The following CDC25C variants were observed in gnomAD, a reference collection of about 807,000 sequenced individuals.
CDC25C encodes cell division cycle 25C.
CDC25C carries 48 observed loss-of-function variants against 52.5 expected under a neutral mutation model. The observed-to-expected ratio is 0.91, with a 90% confidence interval of 0.72 to 1.16. The LOEUF (loss-of-function observed/expected upper bound fraction) is 1.16, where lower values mean the gene tolerates loss of function less well. Ranked by LOEUF, CDC25C falls within the 50% of genes most tolerant of loss-of-function variation. The pLI, the probability that CDC25C is intolerant of heterozygous loss-of-function variation, is 0.00. For synonymous variants in CDC25C, 187 were observed against 206.5 expected (o/e 0.91, Z 0.81); for missense variants, 510 against 566.1 (o/e 0.90, Z 1.01).
intron 6 of CDC25C, among the ~76,000 whole-genome samples, chr5:138,324,110 A>C (rs1158801955): frequency 6.6e-6 from 1 of 151,370 alleles, no homozygotes; most frequent in African/African-American, 2.4e-5. Flanking sequence ...ATCTCTACTA[A>C]AATACAAAAA....
chr5:138,300,955 A>G (rs1433160789), intron 7 of CDC25C, among the ~76,000 whole-genome samples: 1 of 152,178 alleles, frequency 6.6e-6, no homozygotes, highest in Non-Finnish European at 1.5e-5. Flanking sequence ...AGTATTTTGA[A>G]CTGAATAAAA....
chr5:138,328,218 G>A (rs530731799), intron 4 of CDC25C, among the ~76,000 whole-genome samples: 1 of 152,256 alleles, frequency 6.6e-6, no homozygotes, highest in Non-Finnish European at 1.5e-5. Context: ...ACAAATAAAA[G>A]CCTATACATA....
intron 7 of CDC25C, among the ~76,000 whole-genome samples, chr5:138,306,064 A>C (rs1284993157): frequency 1.3e-5 from 2 of 152,190 alleles, no homozygotes; most frequent in East Asian, 3.8e-4. Flanking sequence ...CTAGCCAGCA[A>C]GTGGTGGCAT....
intron 7 of CDC25C, among the ~76,000 whole-genome samples, chr5:138,313,959 C>T (rs1451808504): frequency 7.1e-6 from 1 of 140,458 alleles, no homozygotes; most frequent in East Asian, 2.1e-4. Context: ...ACACCTATGT[C>T]CCTTTTTCTT....
chr5:138,334,032 CAA>C (rs1760563867), upstream of CDC25C, among the ~76,000 whole-genome samples: 1 of 151,932 alleles, frequency 6.6e-6, no homozygotes, highest in South Asian at 2.1e-4. Context: ...CTCCTGGGTT[CAA>C]GTTATTCTCC....
At chr5:138,313,468 G>T (rs1260589386) in intron 7 of CDC25C, among the ~76,000 whole-genome samples, 1 of 148,624 alleles carries the variant, frequency 6.7e-6, no homozygotes, top group African/African-American at 2.5e-5. Context: ...ACAATAAAAT[G>T]AAGGCACTTA....
intron 7 of CDC25C, among the ~76,000 whole-genome samples, chr5:138,306,112 G>C (rs1324081003): frequency 6.6e-6 from 1 of 152,100 alleles, no homozygotes; most frequent in African/African-American, 2.4e-5. Flanking sequence ...TTTTGGCTGG[G>C]CCTTACTTTG....
intron 7 of CDC25C, among the ~76,000 whole-genome samples, chr5:138,312,775 T>G (rs559023127): frequency 2.1e-4 from 32 of 152,272 alleles, no homozygotes; most frequent in African/African-American, 7.5e-4. Flanking sequence ...TACACAACAA[T>G]GGGAATGTAT....
chr5:138,322,057 A>G (rs1479773785), intron 6 of CDC25C, among the ~76,000 whole-genome samples: 5 of 152,042 alleles, frequency 3.3e-5, no homozygotes, highest in African/African-American at 1.2e-4. Context: ...GCTGGAGTGC[A>G]GTGGCGCGAT....
At chr5:138,301,705 A>T (rs147979105) in intron 7 of CDC25C, among the ~76,000 whole-genome samples, 206 of 114,154 alleles carry the variant, frequency 1.8e-3, no homozygotes, top group African/African-American at 3.9e-3. Context: ...AAAAAAAAAA[A>T]TTTTTTTTTT....
chr5:138,322,811 G>A lies in CDC25C; in HGVS notation c.459+3004C>T, dbSNP rs1185552458. 2.6e-5 allele frequency among the ~76,000 whole-genome samples: 4 copies of A among 151,486 alleles called. No individual in the cohort carries two copies. In the East Asian group the frequency reaches 5.8e-4, roughly 22 times the overall value. ...TCATATTTTTTTTTCAGTAGAGATGGGGTTTCACCATGTTGCCCAGGCTAG... is the reference window on the plus strand; with the variant it reads ...TCATATTTTTTTTTCAGTAGAGATGAGGTTTCACCATGTTGCCCAGGCTAG... On this transcript the variant is annotated intron_variant, in intron 6 of 13. Transcript: ENST00000323760.
Position 138,287,248 on chromosome 5 carries a change from C to T in CDC25C, c.947G>A (p.Gly316Glu), listed in dbSNP as rs1036485528. Residue 316 changes from glycine to glutamate, a missense_variant, in exon 11 of 14, where the codon GGG becomes GAG. Gly to Glu is a moderately conservative substitution (Grantham distance 98, BLOSUM62 -2). Transcript: ENST00000323760. ...NPETVAALLSGKFQGLIEKFY... is the reference protein window; with the variant it reads ...NPETVAALLSEKFQGLIEKFY... Reference sequence around the variant, plus strand: ...CTTCTCAATCAGACCCTGGAACTTCCCCGACAGTAAGGCAGCCACCTGGAC... The same window carrying T: ...CTTCTCAATCAGACCCTGGAACTTCTCCGACAGTAAGGCAGCCACCTGGAC... The T allele has an allele frequency of 9.3e-6, 15 of 1,613,786 alleles. No individual in the cohort carries two copies. Among genetic ancestry groups the T allele is most frequent in the East Asian group, 2.2e-5 (1 of 44,892 alleles).
rs565639172 is a variant in CDC25C at position 138,309,746 on chromosome 5, C to T, written c.615+9473G>A. Among the ~76,000 whole-genome samples, 624 of 131,696 alleles carry T rather than the reference C, an allele frequency of 4.7e-3. 2 individuals are homozygous for T. The highest frequency in any genetic ancestry group is 6.5e-3 in the Admixed American group (77 of 11,828). The allele number at this position is 131,696 out of a possible 152,430, so 86.4% of individuals were successfully genotyped here. A position where few individuals can be genotyped will look rare whatever the true frequency, so the allele number is the denominator to read the frequency against. The stretch of plus-strand genomic sequence containing the variant: ...TTTTTTTTTTTTTGAGATGGAGTCT[C>T]GCTCTGTCACCCAGGCTGGAGTGCA... On this transcript the variant is annotated intron_variant, in intron 7 of 13. Transcript: ENST00000323760.
chr5:138,318,919 A>G (rs745538116), intron 7 of CDC25C, among the ~76,000 whole-genome samples: 1 of 152,156 alleles, frequency 6.6e-6, no homozygotes, highest in Admixed American at 6.6e-5. Flanking sequence ...TCAGTCAACC[A>G]CAAGCAATCA....
At chr5:138,308,633 T>C (rs1421541919) in intron 7 of CDC25C, among the ~76,000 whole-genome samples, 2 of 152,158 alleles carry the variant, frequency 1.3e-5, no homozygotes. Flanking sequence ...AAAACTGTTT[T>C]ATGTTTTAGG....
chr5:138,300,168 A>G (rs1240884415), intron 7 of CDC25C, among the ~76,000 whole-genome samples: 2 of 152,194 alleles, frequency 1.3e-5, no homozygotes, highest in Non-Finnish European at 2.9e-5. Context: ...CCCAACTCCA[A>G]TTAACAAAAC....
chr5:138,306,137 T>C (rs1005868993), intron 7 of CDC25C, among the ~76,000 whole-genome samples: 3 of 152,206 alleles, frequency 2.0e-5, no homozygotes, highest in Admixed American at 6.5e-5. Context: ...CCAGCCTTCC[T>C]TGTAATTCTG....
At chr5:138,287,379 C>T in intron 10 of CDC25C, 112 bp from the exon 11 acceptor site, 1 of 646,262 alleles carries the variant, frequency 1.5e-6, no homozygotes, top group South Asian at 2.0e-5. Context: ...GTATGTCCAG[C>T]CTCCAAAGTC....
Position 138,313,989 on chromosome 5 carries a change from TTCTTTC to T in CDC25C, c.615+5224_615+5229del, listed in dbSNP as rs1301215387. 4.5e-3 allele frequency among the ~76,000 whole-genome samples: 480 copies of T among 106,560 alleles called. 5 individuals carry two copies. Among genetic ancestry groups the T allele is most frequent in the Middle Eastern group, 0.013 (3 of 226 alleles). The allele number at this position is 106,560 out of a possible 152,430, so 69.9% of individuals were successfully genotyped here. On this transcript the variant is annotated intron_variant, in intron 7 of 13. Coordinates refer to ENST00000323760, the MANE Select transcript of CDC25C (RefSeq NM_001790.5). The stretch of plus-strand genomic sequence containing the variant: ...TTTCTTTCTTTCTTTCTTTCTTTCT[TTCTTTC>T]TTTTTTTTTTTTTTTTGAGATGGAG...
Sources: gnomAD v4.1 joint callset for allele counts (sites outside exome capture counted in the v4.1 genomes callset) on GRCh38, gnomAD v4.1.1 for gene constraint, MANE v1.5 for transcripts, NCBI Gene and HGNC (gene_info 2026-07-23, HGNC 2026-07-21) for gene names.